The following NBEA variants were observed in gnomAD, a reference collection of about 807,000 sequenced individuals.
NBEA encodes the protein neurobeachin.
Under a neutral mutation model 343.4 loss-of-function variants are expected in NBEA, and 44 were observed. The observed-to-expected ratio is 0.13, with a 90% CI of 0.10 to 0.16. The LOEUF (loss-of-function observed/expected upper bound fraction) is 0.16. NBEA is among the 10% of genes least tolerant of loss of function. NBEA has a pLI of 1.00. For missense variants in NBEA, 2,555 were observed against 3,631.3 expected (o/e 0.70, Z 7.62); for synonymous variants, 1,175 against 1,238.7 (o/e 0.95, Z 1.08).
intron 31 of NBEA, among the ~76,000 whole-genome samples, chr13:35,198,907 A>G (rs2072818584): frequency 6.6e-6 from 1 of 152,060 alleles, no homozygotes; most frequent in Non-Finnish European, 1.5e-5. Context: ...AAAGAGTATT[A>G]TTTTTGAAAT....
chr13:35,008,136 G>T (rs1201176276), intron 1 of NBEA, among the ~76,000 whole-genome samples: 1 of 152,116 alleles, frequency 6.6e-6, no homozygotes, highest in African/African-American at 2.4e-5. Flanking sequence ...TTGAAGTTGT[G>T]CCTGGTCTCT....
At chr13:35,123,956 A>G (rs2066933869) in intron 17 of NBEA, among the ~76,000 whole-genome samples, 1 of 152,096 alleles carries the variant, frequency 6.6e-6, no homozygotes, top group African/African-American at 2.4e-5. Flanking sequence ...TTATGCTTAC[A>G]TGCTGAGTCA....
At chr13:35,277,691 A>T (rs2034715707) in intron 34 of NBEA, among the ~76,000 whole-genome samples, 1 of 151,772 alleles carries the variant, frequency 6.6e-6, no homozygotes, top group Admixed American at 6.6e-5. Flanking sequence ...GTAGAAAGAA[A>T]GGAGCAGCGA....
At chr13:35,041,490 TACC>T (rs1454504863) in intron 2 of NBEA, among the ~76,000 whole-genome samples, 1 of 152,000 alleles carries the variant, frequency 6.6e-6, no homozygotes, top group African/African-American at 2.4e-5. Flanking sequence ...ATAATTAAAA[TACC>T]ACAATAGGTA....
intron 48 of NBEA, among the ~76,000 whole-genome samples, chr13:35,627,493 A>G (rs372703235): frequency 2.6e-5 from 4 of 151,622 alleles, no homozygotes; most frequent in East Asian, 3.9e-4. Context: ...CTTGACTCTC[A>G]GTAATTTATA....
At position 35,436,573 on chromosome 13, in the gene NBEA, G is replaced by A. The variant is rs182558082; in HGVS notation, c.6304+4180G>A. Among the ~76,000 whole-genome samples, 699 of 152,194 alleles carry A rather than the reference G, an allele frequency of 4.6e-3. 4 individuals carry two copies. The highest frequency in any genetic ancestry group is 0.016 in the African/African-American group (672 of 41,530). On this transcript the variant is annotated intron_variant, in intron 39 of 58. Coordinates refer to ENST00000379939, the MANE Select transcript of NBEA (RefSeq NM_001385012.1). ...AAAATACAAAAAATTAGCCAGGCATGGTGGCGGGCACCTGTAGTCCCAGCT... is the reference window on the plus strand; with the variant it reads ...AAAATACAAAAAATTAGCCAGGCATAGTGGCGGGCACCTGTAGTCCCAGCT...
chr13:35,487,172 T>C (rs2076333930), intron 41 of NBEA, among the ~76,000 whole-genome samples: 1 of 151,950 alleles, frequency 6.6e-6, no homozygotes, highest in African/African-American at 2.4e-5. Context: ...GCCAGTTGTA[T>C]TTATTCTGTA....
At chr13:35,480,928 A>G (rs1158470389) in intron 41 of NBEA, among the ~76,000 whole-genome samples, 1 of 151,954 alleles carries the variant, frequency 6.6e-6, no homozygotes, top group Non-Finnish European at 1.5e-5. Flanking sequence ...TCAAGGTTTC[A>G]GTGATTTCTT....
chr13:34,957,748 CTTTGTT>C (rs2059543536), intron 1 of NBEA, among the ~76,000 whole-genome samples: 1 of 152,022 alleles, frequency 6.6e-6, no homozygotes, highest in South Asian at 2.1e-4. Flanking sequence ...GCTACAACCC[CTTTGTT>C]TTTGTATTTT....
chr13:35,095,416 A>C (rs2065283992), intron 10 of NBEA, among the ~76,000 whole-genome samples: 1 of 151,504 alleles, frequency 6.6e-6, no homozygotes, highest in Non-Finnish European at 1.5e-5. Flanking sequence ...TTTATCAATA[A>C]AGGCCAAAAA....
At chr13:35,518,011 T>C (rs1490249306) in intron 41 of NBEA, among the ~76,000 whole-genome samples, 1 of 152,208 alleles carries the variant, frequency 6.6e-6, no homozygotes, top group Non-Finnish European at 1.5e-5. Context: ...TATTTGACAC[T>C]CTTGAATGTA....
In NBEA at chr13:35,072,230, A is replaced by T. The variant is rs113353545; in HGVS notation, c.1571+1378A>T. Among the ~76,000 whole-genome samples, 970 of 152,244 alleles carry T rather than the reference A, an allele frequency of 6.4e-3. 11 individuals are homozygous for T. Among genetic ancestry groups the T allele is most frequent in the African/African-American group, 0.022 (929 of 41,568 alleles). On this transcript the variant is annotated intron_variant, in intron 10 of 58. Coordinates refer to ENST00000379939, the MANE Select transcript of NBEA (RefSeq NM_001385012.1). The stretch of plus-strand genomic sequence containing the variant: ...AAGTAGCCACTAGAAAAATCCATGT[A>T]TTAATTTAAATATTTCTTATGAAAT...
chr13:35,369,659 T>A (rs1331681294), intron 38 of NBEA, among the ~76,000 whole-genome samples: 1 of 151,966 alleles, frequency 6.6e-6, no homozygotes, highest in Admixed American at 6.6e-5. Flanking sequence ...AGCTAGTTCA[T>A]CATTCCTGTA....
At chr13:35,037,173 C>T (rs977027987) in intron 1 of NBEA, among the ~76,000 whole-genome samples, 13 of 152,124 alleles carry the variant, frequency 8.5e-5, no homozygotes, top group African/African-American at 3.1e-4. Flanking sequence ...CCAGTCTGCT[C>T]TTAAAGGACT....
rs372334176 is a variant in NBEA at position 35,508,464 on chromosome 13, C to T, written c.6585+35928C>T. 7.2e-5 allele frequency among the ~76,000 whole-genome samples: 11 copies of T among 152,140 alleles called. No individual in the cohort carries two copies. In the East Asian group the frequency reaches 2.1e-3, roughly 29 times the overall value. ...TTAGCATGAAGAATGAATTGGATGA[C>T]AACAATGCTGAGTTTTAATGGCCTA... On this transcript the variant is annotated intron_variant, in intron 41 of 58. Transcript: ENST00000379939.
chr13:34,957,496 GCAGT>G (rs1318748247), intron 1 of NBEA, among the ~76,000 whole-genome samples: 1 of 152,058 alleles, frequency 6.6e-6, no homozygotes, highest in Non-Finnish European at 1.5e-5. Flanking sequence ...TGAATATTCA[GCAGT>G]GATTTTATCC....
chr13:35,212,893 A>C (rs1019003908), intron 33 of NBEA, among the ~76,000 whole-genome samples: 13 of 151,014 alleles, frequency 8.6e-5, no homozygotes, highest in African/African-American at 3.2e-4. Context: ...GTCTTTTTCT[A>C]ATTAATTTTT....
At chr13:35,518,070 G>A (rs2077553040) in intron 41 of NBEA, among the ~76,000 whole-genome samples, 1 of 151,732 alleles carries the variant, frequency 6.6e-6, no homozygotes, top group African/African-American at 2.4e-5. Flanking sequence ...TATCATAATA[G>A]TTACCATTTA....
chr13:35,396,304 ATTT>A (rs1419943515), intron 38 of NBEA, among the ~76,000 whole-genome samples: 1 of 151,954 alleles, frequency 6.6e-6, no homozygotes, highest in East Asian at 1.9e-4. Context: ...AAATTTTAAT[ATTT>A]ATTTGTTTCT....
Sources: gnomAD v4.1 joint callset for allele counts (sites outside exome capture counted in the v4.1 genomes callset) on GRCh38, gnomAD v4.1.1 for gene constraint, MANE v1.5 for transcripts, NCBI Gene and HGNC (gene_info 2026-07-23, HGNC 2026-07-21) for gene names.